The following DRC8 variants were observed in gnomAD, a reference collection of about 807,000 sequenced individuals.
The protein encoded by DRC8 is dynein regulatory complex protein 8.
At chr1:245,022,869 C>T in the DRC8 span, 1 of 152,166 alleles carries the variant, frequency 6.6e-6, no homozygotes, top group Non-Finnish European at 1.5e-5. Flanking sequence ...TCTTCCCAAA[C>T]TGAAACTCTG....
chr1:245,062,258 A>C, the DRC8 span, among the ~76,000 whole-genome samples: 4 of 152,214 alleles, frequency 2.6e-5, no homozygotes, highest in Non-Finnish European at 5.9e-5. Context: ...ATCAATTTCA[A>C]ATATGGTGTT....
the DRC8 span, among the ~76,000 whole-genome samples, chr1:245,001,200 G>T: frequency 1.3e-5 from 2 of 152,040 alleles, no homozygotes; most frequent in African/African-American, 4.8e-5. Context: ...TTTGATTAAG[G>T]TATTATTCCC....
the DRC8 span, among the ~76,000 whole-genome samples, chr1:245,017,775 C>T: frequency 2.0e-5 from 3 of 151,972 alleles, no homozygotes; most frequent in Non-Finnish European, 4.4e-5. Context: ...AAAAAGAACC[C>T]AAACAGAAGA....
chr1:244,984,489 C>T, the DRC8 span, among the ~76,000 whole-genome samples: 7 of 152,180 alleles, frequency 4.6e-5, no homozygotes, highest in Non-Finnish European at 1.0e-4. Flanking sequence ...ATTGATGGCA[C>T]CTTGCATCTT....
chr1:245,039,561 C>T, the DRC8 span, among the ~76,000 whole-genome samples: 35 of 151,852 alleles, frequency 2.3e-4, no homozygotes, highest in African/African-American at 6.5e-4. Context: ...AATAAATTAA[C>T]GTTGGTTCAG....
chr1:245,035,816 G>A, the DRC8 span, among the ~76,000 whole-genome samples: 3 of 146,998 alleles, frequency 2.0e-5, no homozygotes, highest in South Asian at 2.1e-4. Flanking sequence ...GCAGTGAGCC[G>A]AGATCACACC....
chr1:245,022,203 T>C, the DRC8 span, among the ~76,000 whole-genome samples: 1 of 151,440 alleles, frequency 6.6e-6, no homozygotes, highest in Non-Finnish European at 1.5e-5. Flanking sequence ...AGGAGCGCAG[T>C]GGAGTGATCT....
the DRC8 span, among the ~76,000 whole-genome samples, chr1:245,096,311 A>G: frequency 4.6e-5 from 7 of 152,282 alleles, no homozygotes; most frequent in Non-Finnish European, 8.8e-5. Flanking sequence ...TGGGGAAATA[A>G]GCCTGCAAAA....
chr1:245,000,754 C>G, the DRC8 span, among the ~76,000 whole-genome samples: 1 of 147,094 alleles, frequency 6.8e-6, no homozygotes, highest in Non-Finnish European at 1.5e-5. Context: ...GCATTCTAGT[C>G]TGGGCAACAG....
chr1:245,058,247 T>A, the DRC8 span, among the ~76,000 whole-genome samples: 5 of 150,142 alleles, frequency 3.3e-5, no homozygotes, highest in African/African-American at 7.4e-5. Flanking sequence ...TTTCTAAAAA[T>A]AATAATAATA....
At chr1:244,969,840 G>C in the DRC8 span, 3 of 404,140 alleles carry the variant, frequency 7.4e-6, no homozygotes, top group African/African-American at 6.3e-5. Flanking sequence ...AGGCGCGGCC[G>C]TTCTGCAGCA....
At chr1:245,005,074 G>A in the DRC8 span, among the ~76,000 whole-genome samples, 1 of 152,090 alleles carries the variant, frequency 6.6e-6, no homozygotes, top group Non-Finnish European at 1.5e-5. Flanking sequence ...TTAATGTGGT[G>A]TATTATGGTG....
At chr1:244,972,414 GGT>G in the DRC8 span, among the ~76,000 whole-genome samples, 2 of 152,204 alleles carry the variant, frequency 1.3e-5, no homozygotes, top group African/African-American at 2.4e-5. Context: ...CACTGTGCTA[GGT>G]GTGTATCCTT....
the DRC8 span, among the ~76,000 whole-genome samples, chr1:245,049,543 G>A: frequency 5.3e-3 from 807 of 152,234 alleles, 4 homozygotes; most frequent in African/African-American, 0.018. The surrounding 1 kb of genome is among the most constrained non-coding windows in gnomAD (Gnocchi z 4.5). Flanking sequence ...TGACATGTAT[G>A]TATGCCCCAC....
At chr1:245,082,011 G>A in the DRC8 span, 1 of 1,288,690 alleles carries the variant, frequency 7.8e-7, no homozygotes, top group Non-Finnish European at 1.1e-6. Flanking sequence ...ACTTGGCACA[G>A]TGCTTGGAAC....
At chr1:245,089,622 C>T in the DRC8 span, among the ~76,000 whole-genome samples, 1 of 152,062 alleles carries the variant, frequency 6.6e-6, no homozygotes. This position sits in a 1 kb window ranked among gnomAD's most constrained non-coding sequence, Gnocchi z 4.8. Context: ...TTGAGGGCCT[C>T]TCCCACAGCA....
chr1:245,066,878 G>C, the DRC8 span, among the ~76,000 whole-genome samples: 8 of 152,200 alleles, frequency 5.3e-5, no homozygotes, highest in South Asian at 1.7e-3. Flanking sequence ...GTGCACTCCA[G>C]CCTGGGTGAC....
chr1:245,027,908 T>C, the DRC8 span, among the ~76,000 whole-genome samples: 3 of 152,032 alleles, frequency 2.0e-5, no homozygotes, highest in Non-Finnish European at 2.9e-5. Flanking sequence ...ATGGATGTTT[T>C]TGAGACTGGG....
chr1:245,008,197 C>A, the DRC8 span, among the ~76,000 whole-genome samples: 1 of 152,036 alleles, frequency 6.6e-6, no homozygotes, highest in South Asian at 2.1e-4. Context: ...CAAACAAAAA[C>A]CCTGAGCATG....
Sources: allele counts gnomAD v4.1 joint callset (sites outside exome capture counted in the v4.1 genomes callset), GRCh38; gene constraint gnomAD v4.1.1; non-coding constraint Gnocchi (gnomAD v3.1); transcripts MANE v1.5; gene names NCBI Gene and HGNC (gene_info 2026-07-23, HGNC 2026-07-21).